The following MAPK4 variants were observed in gnomAD, a reference collection of about 807,000 sequenced individuals.
The protein encoded by MAPK4 is Erk3-related.
Under a neutral mutation model 47.7 loss-of-function variants are expected in MAPK4, and 22 were observed. That is an observed-to-expected ratio of 0.46 (90% CI 0.33 to 0.66). MAPK4 has a LOEUF of 0.66. MAPK4 is among the 30% of genes least tolerant of loss of function. The pLI, the probability that MAPK4 is intolerant of heterozygous loss-of-function variation, is 0.02. For synonymous variants in MAPK4, 390 were observed against 365.7 expected, an observed-to-expected ratio of 1.07 and a Z score of -0.76; for missense variants, 736 against 831.7, an observed-to-expected ratio of 0.88 and a Z score of 1.42.
chr18:50,656,134 G>A (rs1274455749), intron 1 of MAPK4, among the ~76,000 whole-genome samples: 2 of 152,154 alleles, frequency 1.3e-5, no homozygotes, highest in Non-Finnish European at 2.9e-5. Context: ...GTCAAGAACT[G>A]CAGATCTCCA....
intron 2 of MAPK4, among the ~76,000 whole-genome samples, chr18:50,668,606 G>A (rs1399594260): frequency 6.6e-6 from 1 of 152,184 alleles, no homozygotes; most frequent in Non-Finnish European, 1.5e-5. Context: ...GGTGTGGGTG[G>A]CAATGGAGGA....
intron 1 of MAPK4, among the ~76,000 whole-genome samples, chr18:50,611,516 A>G (rs2042632971): frequency 6.6e-6 from 1 of 152,242 alleles, no homozygotes. Flanking sequence ...GAGTGAGCAC[A>G]GCTGACCTTT....
At chr18:50,611,006 T>G (rs1317259886) in intron 1 of MAPK4, among the ~76,000 whole-genome samples, 1 of 151,332 alleles carries the variant, frequency 6.6e-6, no homozygotes, top group Non-Finnish European at 1.5e-5. Flanking sequence ...CCACCGAGGG[T>G]GTGTCCAGCC....
At chr18:50,626,033 G>A (rs2042775230) in intron 1 of MAPK4, among the ~76,000 whole-genome samples, 1 of 152,184 alleles carries the variant, frequency 6.6e-6, no homozygotes, top group Non-Finnish European at 1.5e-5. Context: ...AGGATAAGCT[G>A]AGGTTGCATT....
chr18:50,716,741 T>C (rs377592939), intron 3 of MAPK4, among the ~76,000 whole-genome samples: 3 of 152,160 alleles, frequency 2.0e-5, no homozygotes, highest in African/African-American at 7.2e-5. Context: ...CTAACCATGC[T>C]GTCTTGGCCT....
intron 2 of MAPK4, among the ~76,000 whole-genome samples, chr18:50,665,953 G>A (rs2144261924): frequency 6.6e-6 from 1 of 152,260 alleles, no homozygotes; most frequent in Non-Finnish European, 1.5e-5. Flanking sequence ...TTCTTCTAAG[G>A]AGCAATGACT....
intron 2 of MAPK4, among the ~76,000 whole-genome samples, chr18:50,676,168 CTTGTAGAT>C (rs912556359): frequency 6.6e-6 from 1 of 152,200 alleles, no homozygotes; most frequent in African/African-American, 2.4e-5. Context: ...ACCCTCATCC[CTTGTAGAT>C]TTCATCTTCT....
intron 1 of MAPK4, among the ~76,000 whole-genome samples, chr18:50,613,279 A>C (rs957383309): frequency 5.9e-5 from 9 of 152,198 alleles, no homozygotes; most frequent in Non-Finnish European, 8.8e-5. Context: ...TTGAAAAAGC[A>C]CACAGCCGTG....
intron 1 of MAPK4, among the ~76,000 whole-genome samples, chr18:50,628,245 A>C (rs1196706994): frequency 6.6e-6 from 1 of 152,258 alleles, no homozygotes. Context: ...TGTACAAATC[A>C]TGAAGTAATT....
At chr18:50,648,099 C>CAG (rs146378809) in intron 1 of MAPK4, among the ~76,000 whole-genome samples, 13,764 of 146,700 alleles carry the variant, frequency 0.094, 713 homozygotes, top group Middle Eastern at 0.13. Context: ...AAGAAAGACC[C>CAG]AGAGAGAGAG....
At chr18:50,654,146 A>C (rs571702542) in intron 1 of MAPK4, among the ~76,000 whole-genome samples, 1 of 152,348 alleles carries the variant, frequency 6.6e-6, no homozygotes, top group Admixed American at 6.5e-5. Flanking sequence ...CAAGCCAAGG[A>C]TCTTTGAGCA....
rs958449532 is a variant in MAPK4, at chr18:50,663,852, C to T, written c.-107C>T. 74 of 952,702 alleles carry T rather than the reference C, an allele frequency of 7.8e-5. No homozygotes were observed. The highest frequency in any genetic ancestry group is 2.6e-4 in the Middle Eastern group (1 of 3,916). The allele number at this position is 952,702 out of a possible 1,614,324, so 59.0% of individuals were successfully genotyped here. A position where few individuals can be genotyped will look rare whatever the true frequency, so the allele number is the denominator to read the frequency against. On this transcript the variant is annotated 5_prime_UTR_variant, in exon 2 of 6. Transcript: ENST00000400384. ...ACTAGGAGAAAACACATCCCTCAGC[C>T]GTGGGACTTGACAGAATGAGGTGCG...
intron 1 of MAPK4, among the ~76,000 whole-genome samples, chr18:50,631,242 G>T (rs1669142223): frequency 6.6e-6 from 1 of 151,920 alleles, no homozygotes; most frequent in South Asian, 2.1e-4. Context: ...GTTCTGAAAT[G>T]GCTCCTTAAG....
intron 2 of MAPK4, among the ~76,000 whole-genome samples, chr18:50,679,448 T>C (rs1317635857): frequency 6.6e-6 from 1 of 152,056 alleles, no homozygotes; most frequent in Non-Finnish European, 1.5e-5. Context: ...TTCACAATAA[T>C]GCACCCTAGG....
At chr18:50,653,816 G>C (rs1470501462) in intron 1 of MAPK4, among the ~76,000 whole-genome samples, 1 of 152,218 alleles carries the variant, frequency 6.6e-6, no homozygotes, top group African/African-American at 2.4e-5. Flanking sequence ...ATAAAGGCTA[G>C]CGCAGTTGGA....
chr18:50,589,372 G>A (rs1035374485), intron 1 of MAPK4, among the ~76,000 whole-genome samples: 10 of 152,210 alleles, frequency 6.6e-5, no homozygotes, highest in South Asian at 4.1e-4. Flanking sequence ...CGAGGCGGGC[G>A]GATCACGAGG....
At chr18:50,577,274 C>T (rs1021803573) in intron 1 of MAPK4, among the ~76,000 whole-genome samples, 1 of 152,160 alleles carries the variant, frequency 6.6e-6, no homozygotes. Context: ...ACACTCCCTA[C>T]ACACCGTATG....
intron 2 of MAPK4, among the ~76,000 whole-genome samples, chr18:50,692,743 T>C (rs1909291945): frequency 6.6e-6 from 1 of 151,992 alleles, no homozygotes; most frequent in Admixed American, 6.6e-5. Flanking sequence ...GAAGCTGGGG[T>C]TGGAGAACTC....
At chr18:50,571,179 A>T (rs1406557921) in intron 1 of MAPK4, among the ~76,000 whole-genome samples, 1 of 152,156 alleles carries the variant, frequency 6.6e-6, no homozygotes, top group African/African-American at 2.4e-5. Context: ...GGAGCCTTTT[A>T]TGTATTCCAC....
Sources: gnomAD v4.1 joint callset for allele counts (sites outside exome capture counted in the v4.1 genomes callset) on GRCh38, gnomAD v4.1.1 for gene constraint, MANE v1.5 for transcripts, NCBI Gene and HGNC (gene_info 2026-07-23, HGNC 2026-07-21) for gene names.